ZEB1: variants seen among roughly 807,000 people sequenced by gnomAD.
The protein encoded by ZEB1 is zinc finger E-box-binding homeobox 1.
ZEB1 carries 21 observed loss-of-function variants against 84.9 expected under a neutral mutation model. The ratio of observed to expected loss-of-function variants is 0.25; its 90% CI spans 0.18 to 0.36. The LOEUF (loss-of-function observed/expected upper bound fraction) is 0.36. Ranked by LOEUF, ZEB1 falls within the 10% of genes least tolerant of loss-of-function variation. ZEB1 has a pLI of 1.00. For missense variants in ZEB1, 1,104 were observed against 1,330.2 expected (o/e 0.83, Z 2.65); for synonymous variants, 420 against 471.1 (o/e 0.89, Z 1.41).
At chr10:31,456,770 A>C (rs2061290571) in intron 1 of ZEB1, among the ~76,000 whole-genome samples, 1 of 152,118 alleles carries the variant, frequency 6.6e-6, no homozygotes, top group Non-Finnish European at 1.5e-5. Context: ...GCTGCTGTAA[A>C]GATTTACCAA....
chr10:31,350,726 G>T (rs1313623632), intron 1 of ZEB1, among the ~76,000 whole-genome samples: 1 of 151,992 alleles, frequency 6.6e-6, no homozygotes, highest in Non-Finnish European at 1.5e-5. Context: ...TTATTATCTG[G>T]GGTTTTTTTT....
chr10:31,379,769 T>C (rs1034551175), intron 1 of ZEB1, among the ~76,000 whole-genome samples: 2 of 151,732 alleles, frequency 1.3e-5, no homozygotes, highest in Admixed American at 1.3e-4. Flanking sequence ...GAGAGACTAG[T>C]GTAATAAACC....
intron 1 of ZEB1, among the ~76,000 whole-genome samples, chr10:31,329,320 A>G (rs2036262656): frequency 6.6e-6 from 1 of 152,090 alleles, no homozygotes; most frequent in Non-Finnish European, 1.5e-5. Context: ...TGCACAGGAT[A>G]TTATCAAAAT....
At chr10:31,375,930 C>T (rs1210702136) in intron 1 of ZEB1, among the ~76,000 whole-genome samples, 2 of 151,394 alleles carry the variant, frequency 1.3e-5, no homozygotes, top group African/African-American at 4.9e-5. Context: ...GAAGGAGTTC[C>T]TGCTGATATA....
chr10:31,450,671 C>G (rs1413519416), intron 1 of ZEB1, among the ~76,000 whole-genome samples: 1 of 151,964 alleles, frequency 6.6e-6, no homozygotes, highest in Non-Finnish European at 1.5e-5. Flanking sequence ...ATGATACTAA[C>G]TTCAGTTTTC....
chr10:31,444,450 G>C (rs1252385192), intron 1 of ZEB1, among the ~76,000 whole-genome samples: 4 of 151,920 alleles, frequency 2.6e-5, no homozygotes, highest in African/African-American at 9.7e-5. Flanking sequence ...GTCTTCTGTT[G>C]CCATTGCTTT....
At chr10:31,411,183 C>G (rs1432171772) in intron 1 of ZEB1, among the ~76,000 whole-genome samples, 4 of 152,162 alleles carry the variant, frequency 2.6e-5, no homozygotes, top group African/African-American at 9.7e-5. Flanking sequence ...ACAGTGCAAT[C>G]AAATTAGAAC....
chr10:31,495,921 A>G (rs2067159802), intron 3 of ZEB1, 83 bp downstream of exon 3: 31 of 1,430,480 alleles, frequency 2.2e-5, no homozygotes, highest in Middle Eastern at 1.8e-4. Context: ...TGAGTCCTGA[A>G]TTTAGTCCGT....
At position 31,342,562 on chromosome 10, in the gene ZEB1, T is replaced by G. The variant is rs547307726; in HGVS notation, c.58+23270T>G. Among the ~76,000 whole-genome samples, 3 of 152,274 alleles carry G rather than the reference T, an allele frequency of 2.0e-5. No homozygotes were observed. In the South Asian group the frequency reaches 6.2e-4, roughly 32 times the overall value. Reference sequence around the variant, plus strand: ...ATCTCTGTAGGCGTCGATGTAGATGTTGAAGGCTCCTAAGGTTATACTAGA... The same window carrying G: ...ATCTCTGTAGGCGTCGATGTAGATGGTGAAGGCTCCTAAGGTTATACTAGA... On this transcript the variant is annotated intron_variant, in intron 1 of 8. Transcript: ENST00000424869.
At chr10:31,517,759 A>G (rs1433864347) in intron 6 of ZEB1, among the ~76,000 whole-genome samples, 1 of 151,882 alleles carries the variant, frequency 6.6e-6, no homozygotes, top group African/African-American at 2.4e-5. Context: ...ATTTTTAACA[A>G]TAATAATGAT....
intron 1 of ZEB1, among the ~76,000 whole-genome samples, chr10:31,439,532 G>A (rs952875870): frequency 6.6e-6 from 1 of 152,118 alleles, no homozygotes; most frequent in Non-Finnish European, 1.5e-5. Flanking sequence ...TAGATGAGGG[G>A]AACAGTGGTG....
intron 1 of ZEB1, chr10:31,321,667 C>T (rs2034100162): frequency 7.9e-7 from 1 of 1,265,602 alleles, no homozygotes; most frequent in Non-Finnish European, 1.2e-6. Flanking sequence ...TGTGCAGCTG[C>T]TGTAAACATG....
At chr10:31,473,176 C>T (rs2063526896) in intron 2 of ZEB1, among the ~76,000 whole-genome samples, 1 of 151,238 alleles carries the variant, frequency 6.6e-6, no homozygotes, top group African/African-American at 2.5e-5. Flanking sequence ...TCTCACCACT[C>T]CTATTCAACA....
intron 1 of ZEB1, among the ~76,000 whole-genome samples, chr10:31,443,814 G>A (rs1390959682): frequency 2.0e-5 from 3 of 150,864 alleles, no homozygotes; most frequent in Non-Finnish European, 4.4e-5. Context: ...GTCTATCATT[G>A]TTGGACATTT....
At chr10:31,440,388 G>C (rs1430694778) in intron 1 of ZEB1, among the ~76,000 whole-genome samples, 1 of 152,074 alleles carries the variant, frequency 6.6e-6, no homozygotes, top group Admixed American at 6.5e-5. Context: ...AATAAATTAG[G>C]TATTGATGGG....
chr10:31,334,230 G>C (rs1196133245), intron 1 of ZEB1, among the ~76,000 whole-genome samples: 1 of 152,056 alleles, frequency 6.6e-6, no homozygotes, highest in Non-Finnish European at 1.5e-5. Flanking sequence ...AGTAGAGGAG[G>C]AACACTTAGA....
chr10:31,481,657 CA>C (rs2065058193), intron 2 of ZEB1, among the ~76,000 whole-genome samples: 1 of 151,668 alleles, frequency 6.6e-6, no homozygotes, highest in Non-Finnish European at 1.5e-5. Context: ...GACTCCATCT[CA>C]AAAAATGAAT....
At chr10:31,509,199 C>T (rs1465375796) in intron 4 of ZEB1, among the ~76,000 whole-genome samples, 2 of 152,082 alleles carry the variant, frequency 1.3e-5, no homozygotes, top group African/African-American at 4.8e-5. Context: ...AGGGGGTGTA[C>T]AGATTCAGCA....
intron 2 of ZEB1, among the ~76,000 whole-genome samples, chr10:31,463,546 A>AG (rs2062041525): frequency 6.6e-6 from 1 of 152,226 alleles, no homozygotes; most frequent in Non-Finnish European, 1.5e-5. Context: ...GTTTAATAGC[A>AG]GTATGGATTA....
Sources: allele counts gnomAD v4.1 joint callset (sites outside exome capture counted in the v4.1 genomes callset), GRCh38; gene constraint gnomAD v4.1.1; transcripts MANE v1.5; gene names NCBI Gene and HGNC (gene_info 2026-07-23, HGNC 2026-07-21).